NBEA: variants seen among roughly 807,000 people sequenced by gnomAD.
NBEA encodes neurobeachin.
In NBEA, 44 loss-of-function variants were observed where a neutral mutation model predicts 343.4. That is an observed-to-expected ratio of 0.13 (90% CI 0.10 to 0.16). The LOEUF (loss-of-function observed/expected upper bound fraction) is 0.16, where lower values mean the gene tolerates loss of function less well. Among genes scored for constraint, NBEA ranks in the 10% least tolerant of loss-of-function variants. NBEA has a pLI of 1.00. For synonymous variants in NBEA, 1,175 were observed against 1,238.7 expected, an observed-to-expected ratio of 0.95 and a Z score of 1.08; for missense variants, 2,555 against 3,631.3, an observed-to-expected ratio of 0.70 and a Z score of 7.62.
At chr13:35,072,033 A>G (rs987781570) in intron 10 of NBEA, among the ~76,000 whole-genome samples, 1 of 152,118 alleles carries the variant, frequency 6.6e-6, no homozygotes, top group African/African-American at 2.4e-5. Context: ...TGCTTGTGAG[A>G]TCTTAAATAA....
At chr13:35,527,734 C>T (rs1490359275) in intron 41 of NBEA, among the ~76,000 whole-genome samples, 2 of 152,216 alleles carry the variant, frequency 1.3e-5, no homozygotes, top group Non-Finnish European at 2.9e-5. Flanking sequence ...GCTTCCAGGG[C>T]CCCTGAGAAC....
chr13:35,552,761 G>A (rs1249617073), intron 43 of NBEA, among the ~76,000 whole-genome samples: 1 of 152,158 alleles, frequency 6.6e-6, no homozygotes, highest in East Asian at 1.9e-4. Flanking sequence ...ATTTCCCTCA[G>A]TATTCTTTGA....
At chr13:35,454,740 G>A (rs987575880) in intron 40 of NBEA, among the ~76,000 whole-genome samples, 68 of 151,946 alleles carry the variant, frequency 4.5e-4, no homozygotes, top group Admixed American at 3.3e-4. Context: ...GGCACCTGTA[G>A]TCCCAGCTAC....
At chr13:35,640,067 C>T (rs1306082746) in intron 49 of NBEA, among the ~76,000 whole-genome samples, 1 of 151,864 alleles carries the variant, frequency 6.6e-6, no homozygotes, top group Non-Finnish European at 1.5e-5. Flanking sequence ...TTTTGCCTAC[C>T]ACACACCAGA....
chr13:35,227,858 A>T lies in NBEA; in HGVS notation c.5649-4634A>T, dbSNP rs371105437. On this transcript the variant is annotated intron_variant, in intron 33 of 58. Transcript: ENST00000379939. Reference sequence around the variant, plus strand: ...GGCCCTAAATAAGAATAGAATTATTATATTTTTCTAGAATTCTAAAACATA... The same window carrying T: ...GGCCCTAAATAAGAATAGAATTATTTTATTTTTCTAGAATTCTAAAACATA... Among the ~76,000 whole-genome samples the T allele has an allele frequency of 2.6e-4, 39 of 152,172 alleles. No individual in the cohort carries two copies. The South Asian group carries it at 5.0e-3, about 19-fold the overall frequency.
chr13:35,341,529 C>A (rs1444872244), intron 36 of NBEA, among the ~76,000 whole-genome samples: 5 of 151,962 alleles, frequency 3.3e-5, no homozygotes, highest in Admixed American at 1.3e-4. Context: ...ATAAAAGTAA[C>A]CCTTACAACT....
intron 27 of NBEA, among the ~76,000 whole-genome samples, chr13:35,174,953 C>T (rs1317524936): frequency 1.3e-5 from 2 of 151,926 alleles, no homozygotes; most frequent in African/African-American, 4.8e-5. Flanking sequence ...CCACCACGCC[C>T]AGCTAATTTT....
intron 34 of NBEA, among the ~76,000 whole-genome samples, chr13:35,256,650 C>T (rs753687712): frequency 1.3e-5 from 2 of 152,222 alleles, no homozygotes; most frequent in African/African-American, 2.4e-5. Flanking sequence ...ACCCTCTCAG[C>T]CTCCCTCCTG....
rs938603299 is a variant in NBEA at position 35,488,778 on chromosome 13, T to C, written c.6585+16242T>C. On this transcript the variant is annotated intron_variant, in intron 41 of 58. Coordinates refer to ENST00000379939, the MANE Select transcript of NBEA (RefSeq NM_001385012.1). ...ACAAGACCCATTATGCTCAGTTGTT[T>C]TCTTCAAGTGCAGTGCCTAGAACTG... 2.6e-5 allele frequency among the ~76,000 whole-genome samples: 4 copies of C among 152,030 alleles called. No homozygotes were observed. In the South Asian group the frequency reaches 6.2e-4, roughly 24 times the overall value.
At position 35,121,577 on chromosome 13, in the gene NBEA, A is replaced by G. The variant is rs2066801927; in HGVS notation, c.2244-1905A>G. Among the ~76,000 whole-genome samples, 3 of 151,574 alleles carry G rather than the reference A, an allele frequency of 2.0e-5. No homozygotes were observed. In the South Asian group the frequency reaches 6.2e-4, roughly 31 times the overall value. The stretch of plus-strand genomic sequence containing the variant: ...CCTAAAAGTTTTGAAAATGGATTTC[A>G]GTGTAAACCCATACATATTTATGAA... On this transcript the variant is annotated intron_variant, in intron 16 of 58. Coordinates refer to ENST00000379939, the MANE Select transcript of NBEA (RefSeq NM_001385012.1).
intron 44 of NBEA, among the ~76,000 whole-genome samples, chr13:35,561,984 C>A (rs921482180): frequency 2.6e-5 from 4 of 151,682 alleles, no homozygotes; most frequent in African/African-American, 4.8e-5. Context: ...AAAATTAAAC[C>A]ACTCAAAAGT....
At chr13:35,324,102 A>G (rs1168200577) in intron 36 of NBEA, among the ~76,000 whole-genome samples, 1 of 152,208 alleles carries the variant, frequency 6.6e-6, no homozygotes, top group Non-Finnish European at 1.5e-5. Flanking sequence ...GTATTGTGAC[A>G]TAATGGATGC....
chr13:35,388,614 G>T (rs1430837561), intron 38 of NBEA, among the ~76,000 whole-genome samples: 1 of 152,098 alleles, frequency 6.6e-6, no homozygotes, highest in Non-Finnish European at 1.5e-5. Flanking sequence ...GTTATTTAAA[G>T]AATATCTGGC....
intron 53 of NBEA, among the ~76,000 whole-genome samples, chr13:35,653,014 C>T (rs5022374): frequency 0.64 from 97,549 of 151,716 alleles, 31,848 homozygotes; most frequent in Middle Eastern, 0.79. Context: ...GTCTTTATCA[C>T]TGAATTTTTT....
rs1342929168 is a variant in NBEA, at chr13:35,352,669, CA to C, written c.6179+348del. Among the ~76,000 whole-genome samples, 3 of 152,140 alleles carry C rather than the reference CA, an allele frequency of 2.0e-5. No homozygotes were observed. In the East Asian group the frequency reaches 5.8e-4, roughly 29 times the overall value. On this transcript the variant is annotated intron_variant, in intron 38 of 58. Transcript: ENST00000379939. Reference sequence around the variant, plus strand: ...TTTTTAAAAAAGAATCTTTTAGAGTCAACTCTTCCTACTTATTAAATTTATA... The same window carrying C: ...TTTTTAAAAAAGAATCTTTTAGAGTCACTCTTCCTACTTATTAAATTTATA...
rs562108004 is a variant in NBEA, at chr13:34,942,728, A to G, written c.-93A>G. ...GGCGCTGGTGGATGCTGGGGCTCCGAGGCGACGGCCGGGGGGCGGGGGCCG... is the reference window on the plus strand; with the variant it reads ...GGCGCTGGTGGATGCTGGGGCTCCGGGGCGACGGCCGGGGGGCGGGGGCCG... On this transcript the variant is annotated 5_prime_UTR_variant, in exon 1 of 59. Transcript: ENST00000379939. 2.5e-4 allele frequency: 266 copies of G among 1,061,828 alleles called. No individual in the cohort carries two copies. In the African/African-American group the frequency reaches 4.1e-3, roughly 16 times the overall value. The allele number at this position is 1,061,828 out of a possible 1,614,324, so 65.8% of individuals were successfully genotyped here.
intron 31 of NBEA, 22 bp downstream of exon 31, chr13:35,196,324 C>T: frequency 1.9e-6 from 3 of 1,574,476 alleles, no homozygotes; most frequent in Non-Finnish European, 1.7e-6. Context: ...ACTTATTATT[C>T]ACAGGGCTTT....
Position 34,950,950 on chromosome 13 carries a change from A to G in NBEA, c.294+7836A>G, listed in dbSNP as rs573404786. 5.3e-5 allele frequency among the ~76,000 whole-genome samples: 8 copies of G among 152,308 alleles called. No individual in the cohort carries two copies. In the South Asian group the frequency reaches 1.7e-3, roughly 32 times the overall value. On this transcript the variant is annotated intron_variant, in intron 1 of 58. Coordinates refer to ENST00000379939, the MANE Select transcript of NBEA (RefSeq NM_001385012.1). ...CAGTGAGCTGTGATCACGTCACTGC[A>G]TTCCAGCCTGGGTGATGGAGTAAGA...
intron 36 of NBEA, among the ~76,000 whole-genome samples, chr13:35,344,925 A>AATAAGG (rs1388270882): frequency 2.4e-4 from 36 of 152,166 alleles, no homozygotes; most frequent in African/African-American, 8.7e-4. Flanking sequence ...TATAAGAGCA[A>AATAAGG]ACAAGGAAAA....
Sources: gnomAD v4.1 joint callset for allele counts (sites outside exome capture counted in the v4.1 genomes callset) on GRCh38, gnomAD v4.1.1 for gene constraint, MANE v1.5 for transcripts, NCBI Gene and HGNC (gene_info 2026-07-23, HGNC 2026-07-21) for gene names.